Variants in NXPH1 observed in about 807,000 individuals in gnomAD.
NXPH1 encodes neurexophilin-1.
In NXPH1, 5 loss-of-function variants were observed where a neutral mutation model predicts 23.7. The ratio of observed to expected loss-of-function variants is 0.21; its 90% confidence interval spans 0.11 to 0.44. NXPH1 has a LOEUF of 0.44. NXPH1 is among the 20% of genes least tolerant of loss of function. NXPH1 has a pLI of 0.99. For missense variants in NXPH1, 324 were observed against 321.6 expected (o/e 1.01, Z -0.06); for synonymous variants, 144 against 122.2 (o/e 1.18, Z -1.18).
At chr7:8,623,613 G>C (rs1272276778) in intron 2 of NXPH1, among the ~76,000 whole-genome samples, 2 of 117,082 alleles carry the variant, frequency 1.7e-5, no homozygotes, top group East Asian at 3.9e-4. Context: ...CTGGATTTTA[G>C]GTAATATTAA....
Position 8,435,731 on chromosome 7 carries a change from G to C in NXPH1, c.18G>C (p.Trp6Cys). Residue 6 changes from tryptophan (W) to cysteine (C), a missense_variant, in exon 2 of 3, where the codon TGG becomes TGC. Coordinates refer to ENST00000405863, the MANE Select transcript of NXPH1 (RefSeq NM_152745.3). This position sits in a 1 kb window ranked among gnomAD's most constrained non-coding sequence, Gnocchi z 5.9. ...GCGGGAGAATGCAGGCTGCGTGCTG[G>C]TACGTGCTTTTCCTCCTGCAGCCCA... Reference protein sequence around the residue: MQAACWYVLFLLQPTV... With the variant: MQAACCYVLFLLQPTV... 1 of 1,614,006 alleles carries C rather than the reference G, an allele frequency of 6.2e-7. No individual in the cohort carries two copies. Among genetic ancestry groups the C allele is most frequent in the South Asian group, 1.1e-5 (1 of 91,080 alleles).
At chr7:8,586,035 G>C (rs924049441) in intron 2 of NXPH1, among the ~76,000 whole-genome samples, 1 of 152,162 alleles carries the variant, frequency 6.6e-6, no homozygotes, top group Non-Finnish European at 1.5e-5. Flanking sequence ...TTATCATGGA[G>C]AGGTTTGCAA....
intron 2 of NXPH1, among the ~76,000 whole-genome samples, chr7:8,529,656 A>C (rs550738494): frequency 3.9e-5 from 6 of 152,110 alleles, no homozygotes; most frequent in Non-Finnish European, 8.8e-5. Flanking sequence ...TTAAGCTTAA[A>C]TTTTCCCATG....
At chr7:8,615,179 G>T (rs1411035832) in intron 2 of NXPH1, among the ~76,000 whole-genome samples, 17 of 152,030 alleles carry the variant, frequency 1.1e-4, no homozygotes, top group Non-Finnish European at 5.9e-5. Context: ...TTTGAGCCCT[G>T]CTATTTGTTT....
chr7:8,461,938 G>C (rs761632359), intron 2 of NXPH1, among the ~76,000 whole-genome samples: 132 of 151,648 alleles, frequency 8.7e-4, no homozygotes, highest in Non-Finnish European at 1.7e-3. Flanking sequence ...CAAGCTACTT[G>C]GGGTTTATAT....
intron 2 of NXPH1, among the ~76,000 whole-genome samples, chr7:8,577,767 G>T (rs985440728): frequency 6.6e-6 from 1 of 152,184 alleles, no homozygotes; most frequent in African/African-American, 2.4e-5. Context: ...AGGTGATGAT[G>T]TGTGATTTTC....
chr7:8,679,048 C>T (rs953728664), intron 2 of NXPH1, among the ~76,000 whole-genome samples: 4 of 148,610 alleles, frequency 2.7e-5, no homozygotes, highest in Admixed American at 1.3e-4. Context: ...CCCGGGTTCA[C>T]GCCATTCTCC....
rs181929010 is a variant in NXPH1, at chr7:8,533,640, T to C, written c.54+97873T>C. On this transcript the variant is annotated intron_variant, in intron 2 of 2. Transcript: ENST00000405863. ...CTTTACATTTTCTGCTTTTTCCAAA[T>C]TTTGTACTACAAAGAACTGATACTA... is the stretch of plus-strand genomic sequence containing the variant. Among the ~76,000 whole-genome samples the C allele has an allele frequency of 3.6e-3, 547 of 152,294 alleles. 2 individuals carry two copies. The highest frequency in any genetic ancestry group is 0.012 in the African/African-American group (509 of 41,576).
chr7:8,736,039 C>T (rs771930178), intron 2 of NXPH1, among the ~76,000 whole-genome samples: 9 of 151,800 alleles, frequency 5.9e-5, no homozygotes, highest in East Asian at 1.9e-4. Context: ...CTTTATTTGT[C>T]TTCCTAGCCA....
intron 2 of NXPH1, among the ~76,000 whole-genome samples, chr7:8,649,801 A>T (rs1177537933): frequency 6.6e-6 from 1 of 152,154 alleles, no homozygotes; most frequent in African/African-American, 2.4e-5. Flanking sequence ...TTGCAGAATA[A>T]ACACTAGTAT....
At chr7:8,629,263 C>T (rs749242588) in intron 2 of NXPH1, among the ~76,000 whole-genome samples, 3 of 151,978 alleles carry the variant, frequency 2.0e-5, no homozygotes, top group Non-Finnish European at 4.4e-5. Flanking sequence ...CCTTTGTACC[C>T]AAAACTTTCC....
intron 2 of NXPH1, among the ~76,000 whole-genome samples, chr7:8,583,375 C>A (rs1003899524): frequency 5.3e-5 from 8 of 152,144 alleles, no homozygotes; most frequent in Admixed American, 3.3e-4. Context: ...AGTTACATGG[C>A]CTCTCTATGC....
At chr7:8,453,206 T>C (rs1350590081) in intron 2 of NXPH1, among the ~76,000 whole-genome samples, 1 of 152,126 alleles carries the variant, frequency 6.6e-6, no homozygotes. Flanking sequence ...TTTGTATTTA[T>C]ACTGTATTCA....
chr7:8,750,120 C>G lies in NXPH1; in HGVS notation c.55-888C>G, dbSNP rs575932848. Among the ~76,000 whole-genome samples the G allele has an allele frequency of 5.4e-4, 82 of 152,228 alleles. 1 individual carries two copies. The highest frequency in any genetic ancestry group is 1.9e-3 in the African/African-American group (79 of 41,536). On this transcript the variant is annotated intron_variant, in intron 2 of 2. Coordinates refer to ENST00000405863, the MANE Select transcript of NXPH1 (RefSeq NM_152745.3). ...ACGTTCCTAGATCACATGTTAAGCC[C>G]TGCAAGGTAAAAAATTATGTCTTAT...
chr7:8,709,369 G>A (rs1292345475), intron 2 of NXPH1, among the ~76,000 whole-genome samples: 3 of 151,984 alleles, frequency 2.0e-5, no homozygotes, highest in Non-Finnish European at 4.4e-5. Context: ...TGAATTCTTG[G>A]TGGGATGAGT....
intron 2 of NXPH1, among the ~76,000 whole-genome samples, chr7:8,664,247 T>C (rs1820726855): frequency 2.0e-5 from 3 of 152,090 alleles, no homozygotes; most frequent in African/African-American, 7.2e-5. Flanking sequence ...CTTTTTCCCC[T>C]TTGTGAGGAC....
At chr7:8,693,406 A>G (rs557574054) in intron 2 of NXPH1, among the ~76,000 whole-genome samples, 4 of 152,318 alleles carry the variant, frequency 2.6e-5, no homozygotes, top group Non-Finnish European at 4.4e-5. Flanking sequence ...ATTTTTTCAT[A>G]TAGAAAATGG....
intron 2 of NXPH1, among the ~76,000 whole-genome samples, chr7:8,437,359 A>G (rs1331001295): frequency 3.4e-5 from 4 of 119,100 alleles, no homozygotes; most frequent in Admixed American, 3.2e-4. Context: ...TTTTTTATTG[A>G]GAGATGGGGG....
chr7:8,446,866 C>T (rs771360815), intron 2 of NXPH1, among the ~76,000 whole-genome samples: 5 of 151,644 alleles, frequency 3.3e-5, no homozygotes, highest in African/African-American at 1.2e-4. Flanking sequence ...AAAAGCTGTT[C>T]CCCTCCCCAT....
Sources: allele counts gnomAD v4.1 joint callset (sites outside exome capture counted in the v4.1 genomes callset), GRCh38; gene constraint gnomAD v4.1.1; non-coding constraint Gnocchi (gnomAD v3.1); transcripts MANE v1.5; gene names NCBI Gene and HGNC (gene_info 2026-07-23, HGNC 2026-07-21).